The following ABCC2 variants were observed in gnomAD, a reference collection of about 807,000 sequenced individuals.
ABCC2 encodes ATP binding cassette subfamily C member 2.
ABCC2 carries 157 observed loss-of-function variants against 173.4 expected under a neutral mutation model. The ratio of observed to expected loss-of-function variants is 0.91; its 90% confidence interval spans 0.80 to 1.03. The LOEUF is 1.03. ABCC2 is among the 50% of genes least tolerant of loss of function. The probability of loss-of-function intolerance (pLI) is 0.00; values close to 1 mark genes in which losing one functional copy is unlikely to be tolerated. For missense variants in ABCC2, 1,822 were observed against 1,852.3 expected (o/e 0.98, Z 0.30); for synonymous variants, 657 against 693.5 (o/e 0.95, Z 0.83).
intron 16 of ABCC2, among the ~76,000 whole-genome samples, chr10:99,814,219 A>ACACACACGTATG (rs1182403936): frequency 6.1e-5 from 3 of 49,536 alleles, no homozygotes; most frequent in African/African-American, 1.7e-4. Context: ...ACATGTGTAT[A>ACACACACGTATG]TATACACACA....
rs779290395 is a variant in ABCC2 at position 99,831,689 on chromosome 10, A to G, written c.2962A>G (p.Met988Val). 3.7e-6 allele frequency: 6 copies of G among 1,614,068 alleles called. No homozygotes were observed. The Admixed American group carries it at 8.3e-5, about 22-fold the overall frequency. ...ATTCTTCATCATCCTTGCGTTTGTG[A>G]TGAATTCTGTGGCTTTTATTGGATC... The part of the protein sequence containing the change: ...SIFFIILAFV[M>V]NSVAFIGSNL... The change falls in exon 22 of 32, where the codon ATG becomes GTG. Residue 988 changes from methionine to valine, a missense_variant. Physicochemically the swap from Met to Val is conservative, Grantham distance 21. Transcript: ENST00000647814.
At position 99,842,090 on chromosome 10, in the gene ABCC2, C is replaced by T; in HGVS notation, c.3738C>T (p.Leu1246=). 6.2e-7 allele frequency: 1 copy of T among 1,614,118 alleles called. No individual in the cohort carries two copies. Among genetic ancestry groups the T allele is most frequent in the South Asian group, 1.1e-5 (1 of 91,076 alleles). The change falls in exon 26 of 32, where the codon CTC becomes CTT. Residue 1246 remains leucine (L), a synonymous_variant. Coordinates refer to ENST00000647814, the MANE Select transcript of ABCC2 (RefSeq NM_000392.5). ...DTVGFVLSNA[L]NITQTLNWLV... is the part of the protein sequence containing the mutation. ...TTGGCTTTGTTCTGTCCAATGCACT[C>T]AATGTGAGTTTGAAGGTTGGGAGTT...
At chr10:99,820,117 C>T (rs897857641) in intron 19 of ABCC2, among the ~76,000 whole-genome samples, 3 of 152,154 alleles carry the variant, frequency 2.0e-5, no homozygotes, top group Admixed American at 1.3e-4. Context: ...GAGGGCCAGG[C>T]ACGATGGCTC....
rs1250373727 is a variant in ABCC2 at position 99,843,786 on chromosome 10, G to A, written c.3742-13G>A. 6.2e-7 allele frequency: 1 copy of A among 1,609,842 alleles called. No individual in the cohort carries two copies. Among genetic ancestry groups the A allele is most frequent in the Admixed American group, 1.7e-5 (1 of 60,010 alleles). ...TGCCTATGATGATTTTCAGTCTTCT[G>A]GTTTTTCTGTAGATCACACAAACCC... On this transcript the variant is annotated splice_polypyrimidine_tract_variant and intron_variant, in intron 26 of 31. Coordinates refer to ENST00000647814, the MANE Select transcript of ABCC2 (RefSeq NM_000392.5).
chr10:99,828,326 G>A (rs1417026861), intron 19 of ABCC2, among the ~76,000 whole-genome samples: 6 of 152,038 alleles, frequency 3.9e-5, no homozygotes, highest in African/African-American at 1.4e-4. Context: ...CCTGGGATCT[G>A]GGACTTGGTG....
chr10:99,783,018 T>C, intron 1 of ABCC2, 141 bp downstream of exon 1: 1 of 766,074 alleles, frequency 1.3e-6, no homozygotes. Flanking sequence ...TTAGAAAGCA[T>C]AATTCATAAT....
intron 28 of ABCC2, among the ~76,000 whole-genome samples, chr10:99,845,050 G>A (rs979003467): frequency 2.0e-5 from 3 of 151,804 alleles, no homozygotes; most frequent in Non-Finnish European, 4.4e-5. Flanking sequence ...TTTATTTTCA[G>A]ATGGAGTCTC....
chr10:99,851,294 C>T (rs577552424), intron 31 of ABCC2, among the ~76,000 whole-genome samples: 41 of 152,330 alleles, frequency 2.7e-4, no homozygotes, highest in Admixed American at 4.6e-4. Context: ...TGGACTCATA[C>T]TGCCTGTATT....
intron 2 of ABCC2, among the ~76,000 whole-genome samples, chr10:99,786,853 A>G (rs1590135852): frequency 1.3e-5 from 2 of 152,146 alleles, no homozygotes; most frequent in African/African-American, 4.8e-5. Flanking sequence ...AAATACAAAA[A>G]TTAGCCAGGC....
chr10:99,830,392 C>T lies in ABCC2; in HGVS notation c.2706C>T (p.Thr902=). The change falls in exon 20 of 32, where the codon ACC becomes ACT. Residue 902 remains threonine (T), a synonymous_variant. Transcript: ENST00000647814. ...TCCCCGAAGATGCAGCCTCCATAAC[C>T]ATGAGAAGAGAGAACAGCTTTCGTC... is the stretch of plus-strand genomic sequence containing the variant. ...EEIPEDAASI[T]MRRENSFRRT... is the part of the protein sequence containing the mutation. The T allele has an allele frequency of 1.9e-6, 3 of 1,614,214 alleles. No homozygotes were observed. The highest frequency in any genetic ancestry group is 2.5e-6 in the Non-Finnish European group (3 of 1,180,032).
chr10:99,835,735 C>G (rs145185933), intron 24 of ABCC2, among the ~76,000 whole-genome samples: 1 of 152,268 alleles, frequency 6.6e-6, no homozygotes, highest in Admixed American at 6.5e-5. Flanking sequence ...CTTTTGGGGA[C>G]CTTTTCTCTA....
chr10:99,785,875 C>T (rs2037700815), intron 2 of ABCC2, among the ~76,000 whole-genome samples: 1 of 151,958 alleles, frequency 6.6e-6, no homozygotes, highest in Non-Finnish European at 1.5e-5. Context: ...TTCCATTGTT[C>T]TACTAGCATA....
Position 99,793,538 on chromosome 10 carries a change from A to C in ABCC2, c.334-13A>C, listed in dbSNP as rs553657571. On this transcript the variant is annotated splice_polypyrimidine_tract_variant and intron_variant, in intron 3 of 31. Coordinates refer to ENST00000647814, the MANE Select transcript of ABCC2 (RefSeq NM_000392.5). ...GCAGTATTCTTCAGAACATCATGTG[A>C]ATTTCTCTCCAGCTCCTGGTTTTGC... 13 of 1,614,010 alleles carry C rather than the reference A, an allele frequency of 8.1e-6. No homozygotes were observed. In the African/African-American group the frequency reaches 1.7e-4, roughly 22 times the overall value.
At position 99,799,194 on chromosome 10, in the gene ABCC2, G is replaced by GT; in HGVS notation, c.868-9dup. ...ATAACTCTGTGGACACTGTTGTTTG[G>GT]TTTTGTACCTAGGAAGATGTTGAAA... On this transcript the variant is annotated splice_polypyrimidine_tract_variant and intron_variant, in intron 7 of 31. Transcript: ENST00000647814. The GT allele has an allele frequency of 2.5e-6, 4 of 1,613,726 alleles. No homozygotes were observed. The highest frequency in any genetic ancestry group is 3.4e-6 in the Non-Finnish European group (4 of 1,179,948).
At chr10:99,813,715 A>C (rs1244158130) in intron 16 of ABCC2, among the ~76,000 whole-genome samples, 1 of 152,162 alleles carries the variant, frequency 6.6e-6, no homozygotes, top group East Asian at 1.9e-4. Flanking sequence ...GTCTCAAAAA[A>C]AAAAAAGTAT....
At chr10:99,811,691 G>T (rs1377091553) in intron 15 of ABCC2, 89 bp downstream of exon 15, 3 of 1,405,844 alleles carry the variant, frequency 2.1e-6, no homozygotes, top group Non-Finnish European at 3.0e-6. Flanking sequence ...GAATGCATGG[G>T]GAAATGAGCT....
At chr10:99,850,937 A>G in intron 31 of ABCC2, 141 bp downstream of exon 31, 1 of 1,111,604 alleles carries the variant, frequency 9.0e-7, no homozygotes, top group Non-Finnish European at 1.3e-6. Context: ...AGAGATGTCA[A>G]GTAATCTGGC....
At chr10:99,821,317 C>T (rs2038533459) in intron 19 of ABCC2, among the ~76,000 whole-genome samples, 1 of 152,208 alleles carries the variant, frequency 6.6e-6, no homozygotes, top group Non-Finnish European at 1.5e-5. Context: ...AGATAGATGC[C>T]TTCCTCTTGT....
At chr10:99,844,565 T>A in intron 28 of ABCC2, 100 bp downstream of exon 28, 1 of 1,515,158 alleles carries the variant, frequency 6.6e-7, no homozygotes, top group Non-Finnish European at 9.0e-7. Context: ...ATCATTTGGA[T>A]GGAGGGAAAG....
Sources: gnomAD v4.1 joint callset for allele counts (sites outside exome capture counted in the v4.1 genomes callset) on GRCh38, gnomAD v4.1.1 for gene constraint, MANE v1.5 for transcripts, NCBI Gene and HGNC (gene_info 2026-07-23, HGNC 2026-07-21) for gene names.